Variants in PAK3 observed in about 807,000 individuals in gnomAD.
PAK3 encodes the protein p21 (RAC1) activated kinase 3, also known as serine/threonine-protein kinase PAK 3.
PAK3 carries 4 observed loss-of-function variants against 41.0 expected under a neutral mutation model. The ratio of observed to expected loss-of-function variants is 0.10; its 90% CI spans 0.05 to 0.22. PAK3 has a LOEUF of 0.22. PAK3 is among the 10% of genes least tolerant of loss of function. PAK3 has a pLI of 1.00. For missense variants in PAK3, 205 were observed against 409.9 expected, an observed-to-expected ratio of 0.50 and a Z score of 4.32; for synonymous variants, 146 against 139.6, an observed-to-expected ratio of 1.05 and a Z score of -0.32.
intron 1 of PAK3, among the ~76,000 whole-genome samples, chrX:110,992,966 C>G (rs1316611038): frequency 9.0e-6 from 1 of 111,703 alleles, no homozygotes; most frequent in Non-Finnish European, 1.9e-5. Flanking sequence ...AGAGTAACTC[C>G]TATTATAGAA....
In PAK3 at chrX:111,192,108, A is replaced by G. The variant is rs1167847387; in HGVS notation, c.831-19A>G. On this transcript the variant is annotated intron_variant, in intron 11 of 17. Coordinates refer to ENST00000372007, the MANE Select transcript of PAK3 (RefSeq NM_002578.5). ...AACAGCTTGATTGCTTATTCTTTTGATAATTTTCACCTTCACAGGGCATCA... is the reference window on the plus strand; with the variant it reads ...AACAGCTTGATTGCTTATTCTTTTGGTAATTTTCACCTTCACAGGGCATCA... 1 of 1,008,353 alleles carries G rather than the reference A, an allele frequency of 9.9e-7. No homozygotes were observed. Among genetic ancestry groups the G allele is most frequent in the Middle Eastern group, 2.6e-4 (1 of 3,914 alleles). The allele number at this position is 1,008,353 out of a possible 1,213,427, so 83.1% of individuals were successfully genotyped here.
chrX:111,190,661 G>A (rs1000282970), intron 11 of PAK3, among the ~76,000 whole-genome samples: 2 of 111,452 alleles, frequency 1.8e-5, no homozygotes, highest in African/African-American at 6.5e-5. Context: ...TGAGAGCCAG[G>A]TCATATACAC....
chrX:111,065,781 A>G (rs1569297140), intron 1 of PAK3, among the ~76,000 whole-genome samples: 1 of 111,280 alleles, frequency 9.0e-6, no homozygotes, highest in Non-Finnish European at 1.9e-5. Flanking sequence ...TCCTGACTCA[A>G]TCTTGGAAGA....
intron 16 of PAK3, among the ~76,000 whole-genome samples, chrX:111,208,047 G>A (rs916262559): frequency 2.7e-5 from 3 of 112,547 alleles, no homozygotes; most frequent in Non-Finnish European, 5.6e-5. Context: ...CGCCCGCCTC[G>A]GCTCCCAAAG....
At chrX:111,143,887 T>C (rs1603298115) in intron 6 of PAK3, among the ~76,000 whole-genome samples, 1 of 111,847 alleles carries the variant, frequency 8.9e-6, no homozygotes, top group East Asian at 2.8e-4. Flanking sequence ...TATTTTTCTT[T>C]TCTTTTTTCT....
chrX:111,171,523 G>A (rs2094341072), intron 10 of PAK3, among the ~76,000 whole-genome samples: 1 of 111,597 alleles, frequency 9.0e-6, no homozygotes, highest in Admixed American at 9.5e-5. Context: ...CTGAGTGATA[G>A]CAAGTATTCA....
At chrX:111,018,033 C>A (rs1238360314) in intron 1 of PAK3, among the ~76,000 whole-genome samples, 2 of 111,311 alleles carry the variant, frequency 1.8e-5, no homozygotes, top group African/African-American at 6.5e-5. Flanking sequence ...AAATTCAACA[C>A]CTTTTTGTGA....
chrX:111,199,260 T>C (rs1037315338), intron 16 of PAK3, among the ~76,000 whole-genome samples: 1 of 111,859 alleles, frequency 8.9e-6, no homozygotes, highest in East Asian at 2.8e-4. Flanking sequence ...TAGAATCATA[T>C]CATCTGGGAA....
At chrX:111,036,975 C>T (rs1048637948) in intron 1 of PAK3, among the ~76,000 whole-genome samples, 2 of 111,751 alleles carry the variant, frequency 1.8e-5, no homozygotes, top group African/African-American at 6.5e-5. Flanking sequence ...GCCAGAGTCT[C>T]GCTCTGTCAC....
rs139402458 is a variant in PAK3, at chrX:111,032,671, T to C, written c.-28+88043T>C. On this transcript the variant is annotated intron_variant, in intron 1 of 14. Coordinates refer to the PAK3 transcript ENST00000425146. The stretch of plus-strand genomic sequence containing the variant: ...AGAAAAGAAAGAGGCATGGAAGACA[T>C]GTAAATTTCATCTGATGGGGGCAAT... 3.7e-3 allele frequency among the ~76,000 whole-genome samples: 409 copies of C among 111,578 alleles called. 3 individuals carry two copies. The highest frequency in any genetic ancestry group is 6.2e-3 in the Non-Finnish European group (329 of 53,016).
At chrX:110,994,611 C>T (rs150356440) in intron 1 of PAK3, among the ~76,000 whole-genome samples, 265 of 111,885 alleles carry the variant, frequency 2.4e-3, no homozygotes, top group Middle Eastern at 4.6e-3. Context: ...ACCTTTATTC[C>T]TCCACAGGGT....
At chrX:111,183,914 C>T (rs758200494) in intron 11 of PAK3, among the ~76,000 whole-genome samples, 256 of 111,268 alleles carry the variant, frequency 2.3e-3, no homozygotes, top group Non-Finnish European at 4.0e-3. Context: ...TGATGGGTCC[C>T]AATGGTTGAG....
intron 16 of PAK3, among the ~76,000 whole-genome samples, chrX:111,199,794 C>G (rs1395706006): frequency 1.8e-5 from 2 of 111,541 alleles, no homozygotes; most frequent in African/African-American, 6.5e-5. Flanking sequence ...TCTTGTTATC[C>G]CTGCAAAGAG....
chrX:110,989,891 C>T lies in PAK3; in HGVS notation c.-28+45263C>T, dbSNP rs1307529208. Among the ~76,000 whole-genome samples the T allele has an allele frequency of 3.6e-5, 4 of 111,794 alleles. No individual in the cohort carries two copies. In the Admixed American group the frequency reaches 3.8e-4, roughly 11 times the overall value. ...CCTAAAGAATATAACAGACGCATCA[C>T]CACCCATCTGATAATCCCCAGGCAC... On this transcript the variant is annotated intron_variant, in intron 1 of 14. Coordinates refer to the PAK3 transcript ENST00000425146.
intron 16 of PAK3, among the ~76,000 whole-genome samples, chrX:111,201,976 T>C (rs759973500): frequency 9.0e-6 from 1 of 110,498 alleles, no homozygotes; most frequent in South Asian, 3.9e-4. Flanking sequence ...AACATATCCT[T>C]CATGAGAGTG....
chrX:111,120,060 G>T (rs2093541911), intron 4 of PAK3, among the ~76,000 whole-genome samples: 1 of 112,363 alleles, frequency 8.9e-6, no homozygotes, highest in African/African-American at 3.2e-5. Context: ...GCTTTATTAA[G>T]TTCCTAGTGT....
chrX:110,957,593 G>A (rs2090889915), intron 1 of PAK3, among the ~76,000 whole-genome samples: 1 of 111,728 alleles, frequency 9.0e-6, no homozygotes, highest in South Asian at 3.8e-4. Context: ...GAATCTTGCA[G>A]GGACCCTGGC....
chrX:111,008,177 T>C (rs2148703241), intron 1 of PAK3, among the ~76,000 whole-genome samples: 1 of 112,527 alleles, frequency 8.9e-6, no homozygotes, highest in East Asian at 2.8e-4. Context: ...ACTTGCTAGT[T>C]GTGCAATCTT....
intron 8 of PAK3, among the ~76,000 whole-genome samples, chrX:111,153,341 C>G (rs1322020031): frequency 9.0e-6 from 1 of 111,388 alleles, no homozygotes; most frequent in Non-Finnish European, 1.9e-5. Flanking sequence ...GTGCCTTTGT[C>G]CAAAGTCACA....
Sources: allele counts gnomAD v4.1 joint callset (sites outside exome capture counted in the v4.1 genomes callset), GRCh38; gene constraint gnomAD v4.1.1; transcripts MANE v1.5; gene names NCBI Gene and HGNC (gene_info 2026-07-23, HGNC 2026-07-21).